The following SAMD8 variants were observed in gnomAD, a reference collection of about 807,000 sequenced individuals.
SAMD8 encodes the protein sphingomyelin synthase-related protein 1.
A neutral mutation model predicts 42.0 loss-of-function variants in SAMD8; 20 were observed. The ratio of observed to expected loss-of-function variants is 0.48; its 90% CI spans 0.34 to 0.69. The LOEUF is 0.69. Ranked by LOEUF, SAMD8 falls within the 30% of genes least tolerant of loss-of-function variation. The pLI is 0.01. For synonymous variants in SAMD8, 162 were observed against 173.0 expected (o/e 0.94, Z 0.50); for missense variants, 328 against 511.6 (o/e 0.64, Z 3.46).
At chr10:75,128,768 G>A (rs1413817982) in intron 1 of SAMD8, among the ~76,000 whole-genome samples, 1 of 152,148 alleles carries the variant, frequency 6.6e-6, no homozygotes, top group African/African-American at 2.4e-5. Flanking sequence ...CAGTGATACT[G>A]GGCTGGTGCC....
intron 4 of SAMD8, among the ~76,000 whole-genome samples, chr10:75,170,070 C>T (rs1343463193): frequency 1.3e-5 from 2 of 152,134 alleles, no homozygotes; most frequent in East Asian, 3.8e-4. Flanking sequence ...CATCTCTTCT[C>T]ATTAAACAGA....
intron 1 of SAMD8, among the ~76,000 whole-genome samples, chr10:75,128,400 C>G (rs1849196616): frequency 6.6e-6 from 1 of 152,008 alleles, no homozygotes; most frequent in Admixed American, 6.6e-5. Context: ...TTAATAAAAA[C>G]AAGGTCTCCA....
intron 2 of SAMD8, among the ~76,000 whole-genome samples, chr10:75,161,436 A>T (rs58206500): frequency 0.099 from 15,022 of 152,082 alleles, 960 homozygotes; most frequent in East Asian, 0.24. Context: ...AGAAACCCAA[A>T]GCTTGACAGA....
At chr10:75,155,819 G>GAA (rs1170887716) in intron 2 of SAMD8, among the ~76,000 whole-genome samples, 1 of 152,162 alleles carries the variant, frequency 6.6e-6, no homozygotes, top group African/African-American at 2.4e-5. Flanking sequence ...TTTAATCATA[G>GAA]AAAAGAATGA....
chr10:75,171,110 C>A (rs1201551806), intron 4 of SAMD8, among the ~76,000 whole-genome samples: 1 of 149,458 alleles, frequency 6.7e-6, no homozygotes, highest in Non-Finnish European at 1.5e-5. Context: ...GATTATATTG[C>A]AAACATTGTT....
At chr10:75,141,186 T>C (rs1293712700) in intron 1 of SAMD8, among the ~76,000 whole-genome samples, 1 of 151,956 alleles carries the variant, frequency 6.6e-6, no homozygotes, top group Non-Finnish European at 1.5e-5. Flanking sequence ...CTACCAAAAA[T>C]ATTAAAAATT....
At chr10:75,164,761 A>T in intron 3 of SAMD8, 21 bp downstream of exon 3, 1 of 1,532,458 alleles carries the variant, frequency 6.5e-7, no homozygotes, top group Non-Finnish European at 9.0e-7. Flanking sequence ...ACTCCATTAA[A>T]TGACTGAAAA....
In SAMD8 at chr10:75,133,527, C is replaced by A. The variant is rs561916759; in HGVS notation, c.-15-16987C>A. Among the ~76,000 whole-genome samples the A allele has an allele frequency of 7.2e-5, 11 of 152,298 alleles. No homozygotes were observed. The South Asian group carries it at 1.7e-3, about 23-fold the overall frequency. ...CTCTCATGTTTATTGCAGCACTATT[C>A]ACAATAGCCAAGATAAGGAATCAAC... On this transcript the variant is annotated intron_variant, in intron 1 of 5. Transcript: ENST00000542569.
chr10:75,100,493 C>T (rs892550551), intron 1 of SAMD8, among the ~76,000 whole-genome samples: 1 of 152,144 alleles, frequency 6.6e-6, no homozygotes, highest in Non-Finnish European at 1.5e-5. Context: ...GCAGCTCCGC[C>T]GGTTTCTGAC....
chr10:75,176,724 T>G lies in SAMD8; in HGVS notation c.*32T>G. On this transcript the variant is annotated 3_prime_UTR_variant, in exon 6 of 6. Coordinates refer to ENST00000542569, the MANE Select transcript of SAMD8 (RefSeq NM_001174156.2). The surrounding 1 kb of genome is among the most constrained non-coding windows in gnomAD (Gnocchi z 4.3). ...TCTTTCTAATGAATTTGTGATTAAATATATAATAGTTGTTGAAAATGAGTA... is the reference window on the plus strand; with the variant it reads ...TCTTTCTAATGAATTTGTGATTAAAGATATAATAGTTGTTGAAAATGAGTA... The G allele has an allele frequency of 7.0e-7, 1 of 1,428,690 alleles. No homozygotes were observed. Among genetic ancestry groups the G allele is most frequent in the Non-Finnish European group, 9.3e-7 (1 of 1,069,968 alleles). 88.5% of individuals were successfully genotyped at this position (1,428,690 alleles called of 1,614,324 possible).
At chr10:75,109,195 C>A, upstream of SAMD8, 1 of 1,504,166 alleles carries the variant, frequency 6.6e-7, no homozygotes. Context: ...TGTGGTCACT[C>A]CTCTCTGCCT....
Position 75,111,725 on chromosome 10 carries a change from G to A in SAMD8, c.-16+3G>A. 1 of 1,234,180 alleles carries A rather than the reference G, an allele frequency of 8.1e-7. No individual in the cohort carries two copies. Among genetic ancestry groups the A allele is most frequent in the South Asian group, 4.0e-5 (1 of 24,918 alleles). 76.5% of individuals were successfully genotyped at this position (1,234,180 alleles called of 1,614,324 possible). A position where few individuals can be genotyped will look rare whatever the true frequency, so the allele number is the denominator to read the frequency against. ...GGAGCCCGACTCGGACCGCGGAGGTGAGCGGGAGCTGAGGCTGAGGAGAGG... is the reference window on the plus strand; with the variant it reads ...GGAGCCCGACTCGGACCGCGGAGGTAAGCGGGAGCTGAGGCTGAGGAGAGG... On this transcript the variant is annotated splice_donor_region_variant and intron_variant, in intron 1 of 5. Coordinates refer to ENST00000542569, the MANE Select transcript of SAMD8 (RefSeq NM_001174156.2).
At chr10:75,132,454 T>G (rs1849294191) in intron 1 of SAMD8, among the ~76,000 whole-genome samples, 1 of 152,180 alleles carries the variant, frequency 6.6e-6, no homozygotes, top group Non-Finnish European at 1.5e-5. Context: ...TCTGGGGAAC[T>G]GACAGGGTCA....
chr10:75,164,623 A>G (rs763413336), intron 2 of SAMD8, 22 bp from the exon 3 acceptor site: 1 of 1,610,288 alleles, frequency 6.2e-7, no homozygotes, highest in Non-Finnish European at 8.5e-7. Context: ...CTTCAATTCA[A>G]AATCATTTTT....
intron 1 of SAMD8, among the ~76,000 whole-genome samples, chr10:75,129,908 T>C (rs1002353477): frequency 2.0e-5 from 3 of 152,182 alleles, no homozygotes; most frequent in Non-Finnish European, 4.4e-5. Context: ...GCTAGGGCAC[T>C]GTTCTAGACT....
At chr10:75,156,093 C>T (rs1840404991) in intron 2 of SAMD8, among the ~76,000 whole-genome samples, 1 of 151,952 alleles carries the variant, frequency 6.6e-6, no homozygotes, top group African/African-American at 2.4e-5. Context: ...GCCTGCAGTC[C>T]CAGCTACTTC....
intron 1 of SAMD8, among the ~76,000 whole-genome samples, chr10:75,114,373 C>A (rs1309322519): frequency 3.3e-5 from 5 of 151,564 alleles, no homozygotes; most frequent in Admixed American, 2.6e-4. Flanking sequence ...GCAGAAGAAG[C>A]CATCATGACT....
At position 75,150,556 on chromosome 10, in the gene SAMD8, C is replaced by T. The variant is rs770264860; in HGVS notation, c.28C>T (p.Arg10Cys). The change falls in exon 2 of 6, where the codon CGC becomes TGC. Residue 10 changes from arginine to cysteine, a missense_variant. Around this residue, in one of 2 missense-constraint regions of SAMD8, gnomAD observed 150 missense variants for 186.0 expected, o/e 0.81. Transcript: ENST00000542569. MAGPNQLCI[R>C]RWTTKHVAVW... ...GGCAGGTCCTAATCAACTCTGCATTCGCCGCTGGACTACCAAGCATGTAGC... is the reference window on the plus strand; with the variant it reads ...GGCAGGTCCTAATCAACTCTGCATTTGCCGCTGGACTACCAAGCATGTAGC... The T allele has an allele frequency of 1.3e-5, 21 of 1,613,464 alleles. No individual in the cohort carries two copies. The highest frequency in any genetic ancestry group is 5.0e-5 in the Admixed American group (3 of 59,916).
At chr10:75,159,168 A>G (rs1840499662) in intron 2 of SAMD8, among the ~76,000 whole-genome samples, 1 of 150,560 alleles carries the variant, frequency 6.6e-6, no homozygotes, top group East Asian at 2.0e-4. Context: ...AACGGTGCTC[A>G]TGCCTCAGCC....
Sources: gnomAD v4.1 joint callset for allele counts (sites outside exome capture counted in the v4.1 genomes callset) on GRCh38, gnomAD v4.1.1 for gene constraint, gnomAD v4.1.1 regional missense constraint, Gnocchi (gnomAD v3.1) non-coding constraint, MANE v1.5 for transcripts, NCBI Gene and HGNC (gene_info 2026-07-23, HGNC 2026-07-21) for gene names.